Variants in LARP1B observed in about 807,000 individuals in gnomAD.
LARP1B encodes the protein La ribonucleoprotein 1B.
LARP1B carries 76 observed loss-of-function variants against 114.2 expected under a neutral mutation model. The ratio of observed to expected loss-of-function variants is 0.67; its 90% CI spans 0.55 to 0.81. The LOEUF is 0.81. Ranked by LOEUF, LARP1B falls within the 30% of genes least tolerant of loss-of-function variation. The pLI, the probability that LARP1B is intolerant of heterozygous loss-of-function variation, is 0.00. For missense variants in LARP1B, 1,014 were observed against 1,075.8 expected, an observed-to-expected ratio of 0.94 and a Z score of 0.80; for synonymous variants, 345 against 348.0, an observed-to-expected ratio of 0.99 and a Z score of 0.10.
rs1276091310 is a variant in LARP1B, at chr4:128,178,412, A to G, written c.1685-19A>G. On this transcript the variant is annotated intron_variant, in intron 13 of 19. Transcript: ENST00000326639. ...TTTTCCTAGCATCTAAATAATTTTA[A>G]GAGTTTTTTATTTTGCAGATTTGAC... The G allele has an allele frequency of 1.9e-6, 3 of 1,545,314 alleles. No homozygotes were observed. The highest frequency in any genetic ancestry group is 2.7e-6 in the Non-Finnish European group (3 of 1,126,908).
chr4:128,173,095 A>C (rs1009762424), intron 12 of LARP1B, among the ~76,000 whole-genome samples: 3 of 152,134 alleles, frequency 2.0e-5, no homozygotes, highest in Non-Finnish European at 4.4e-5. Context: ...TTTATTGAAT[A>C]CACAAAATAT....
chr4:128,114,810 G>A, intron 10 of LARP1B, 68 bp downstream of exon 10: 1 of 1,395,698 alleles, frequency 7.2e-7, no homozygotes. Flanking sequence ...TGCACTTTAT[G>A]TTTGTTAGGT....
chr4:128,150,371 C>T (rs935414225), intron 11 of LARP1B, among the ~76,000 whole-genome samples: 1 of 150,844 alleles, frequency 6.6e-6, no homozygotes, highest in Non-Finnish European at 1.5e-5. Context: ...TAGCGTACTG[C>T]AGCCTCAAAC....
rs1363253402 is a variant in LARP1B at position 128,108,066 on chromosome 4, C to T, written c.988+753C>T. ...CTCTTGGTGGAGGAAGTTGGGCCAACACTGCAGTGGAGATAACCACCTTTG... is the reference window on the plus strand; with the variant it reads ...CTCTTGGTGGAGGAAGTTGGGCCAATACTGCAGTGGAGATAACCACCTTTG... On this transcript the variant is annotated intron_variant, in intron 9 of 19. Transcript: ENST00000326639. 5 of 1,454,710 alleles carry T rather than the reference C, an allele frequency of 3.4e-6. No homozygotes were observed. In the East Asian group the frequency reaches 1.3e-4, roughly 37 times the overall value. The allele number at this position is 1,454,710 out of a possible 1,614,324, so 90.1% of individuals were successfully genotyped here. A position where few individuals can be genotyped will look rare whatever the true frequency, so the allele number is the denominator to read the frequency against.
At chr4:128,174,071 A>G (rs770354292) in intron 12 of LARP1B, among the ~76,000 whole-genome samples, 4 of 152,176 alleles carry the variant, frequency 2.6e-5, no homozygotes, top group South Asian at 4.1e-4. Flanking sequence ...AGATTCATCT[A>G]TGTCATTGCA....
At chr4:128,121,662 ACTGGGC>A (rs1288798788) in intron 10 of LARP1B, among the ~76,000 whole-genome samples, 158 bp from the exon 11 acceptor site, 1 of 152,212 alleles carries the variant, frequency 6.6e-6, no homozygotes, top group African/African-American at 2.4e-5. Context: ...TCTTAAATTT[ACTGGGC>A]CAAAATAATA....
chr4:128,211,109 TA>T lies in LARP1B; in HGVS notation c.*1063del, dbSNP rs1415420733. 3.3e-6 allele frequency: 3 copies of T among 900,660 alleles called. No homozygotes were observed. The highest frequency in any genetic ancestry group is 1.3e-6 in the Non-Finnish European group (1 of 753,016). 55.8% of individuals were successfully genotyped at this position (900,660 alleles called of 1,614,324 possible). On this transcript the variant is annotated 3_prime_UTR_variant, in exon 20 of 20. Coordinates refer to ENST00000326639, the MANE Select transcript of LARP1B (RefSeq NM_018078.4). ...TGGTAGTTTCAGTTTTTGTGAGATT[TA>T]AAAAAATAAAGCACTTATTCTGAAT...
intron 10 of LARP1B, among the ~76,000 whole-genome samples, chr4:128,120,507 G>T (rs1414460930): frequency 6.7e-6 from 1 of 148,556 alleles, no homozygotes; most frequent in Non-Finnish European, 1.5e-5. Context: ...GGAGTACAGT[G>T]GCACAATCTC....
chr4:128,139,598 A>T (rs1036103482), intron 11 of LARP1B, among the ~76,000 whole-genome samples: 2 of 152,020 alleles, frequency 1.3e-5, no homozygotes, highest in Non-Finnish European at 2.9e-5. Context: ...AAAAAAACAA[A>T]AAAACAGTAT....
chr4:128,072,404 A>C (rs1261489736), intron 1 of LARP1B, among the ~76,000 whole-genome samples: 1 of 152,032 alleles, frequency 6.6e-6, no homozygotes, highest in Non-Finnish European at 1.5e-5. Flanking sequence ...ATATGTTTTA[A>C]ATTTTTAAAT....
intron 4 of LARP1B, among the ~76,000 whole-genome samples, chr4:128,081,623 G>A (rs921225240): frequency 2.0e-5 from 3 of 152,066 alleles, no homozygotes; most frequent in Non-Finnish European, 4.4e-5. Flanking sequence ...CAACTATGGG[G>A]ATTGTACTTT....
intron 15 of LARP1B, among the ~76,000 whole-genome samples, chr4:128,184,812 C>A (rs1392299346): frequency 6.6e-6 from 1 of 152,130 alleles, no homozygotes; most frequent in Non-Finnish European, 1.5e-5. Context: ...TTTTTTACCT[C>A]CCACTTATTA....
chr4:128,121,935 G>A lies in LARP1B; in HGVS notation c.1271G>A (p.Arg424Gln), dbSNP rs749476341. 29 of 1,612,466 alleles carry A rather than the reference G, an allele frequency of 1.8e-5. No individual in the cohort carries two copies. Among genetic ancestry groups the A allele is most frequent in the East Asian group, 4.5e-5 (2 of 44,878 alleles). The change falls in exon 11 of 20, where the codon CGA becomes CAA. Residue 424 changes from arginine to glutamine, a missense_variant. Transcript: ENST00000326639. ...LFDEEIEQIG[R>Q]KNTFTDWSDN... ...GATGAAGAGATTGAACAAATAGGACGAAAAAACACATTTACTGATTGGTCT... is the reference window on the plus strand; with the variant it reads ...GATGAAGAGATTGAACAAATAGGACAAAAAAACACATTTACTGATTGGTCT...
chr4:128,083,523 G>C (rs1458035342), intron 5 of LARP1B, among the ~76,000 whole-genome samples: 1 of 150,370 alleles, frequency 6.7e-6, no homozygotes, highest in Non-Finnish European at 1.5e-5. Flanking sequence ...AGGGGCGGCC[G>C]GGCAGAGGCG....
At chr4:128,120,803 ATTTTTTTTT>A (rs56253884) in intron 10 of LARP1B, among the ~76,000 whole-genome samples, 1 of 128,958 alleles carries the variant, frequency 7.8e-6, no homozygotes, top group African/African-American at 3.1e-5. Context: ...GGGGTAGACA[ATTTTTTTTT>A]TTTTTTTTTT....
intron 1 of LARP1B, among the ~76,000 whole-genome samples, chr4:128,066,165 C>CTTTTTT (rs59927866): frequency 4.6e-3 from 458 of 99,156 alleles, no homozygotes; most frequent in Non-Finnish European, 4.9e-3. Context: ...TTTCTTTCTT[C>CTTTTTT]TTTTTTTTTT....
intron 14 of LARP1B, among the ~76,000 whole-genome samples, chr4:128,178,903 G>A (rs1434556061): frequency 6.6e-6 from 1 of 151,980 alleles, no homozygotes; most frequent in Admixed American, 6.6e-5. Flanking sequence ...GACGAGCCTG[G>A]GCAATGCAGT....
intron 1 of LARP1B, among the ~76,000 whole-genome samples, chr4:128,070,670 A>G (rs1030726513): frequency 4.6e-5 from 7 of 152,038 alleles, no homozygotes; most frequent in Non-Finnish European, 4.4e-5. Flanking sequence ...AAAAAGAAAA[A>G]AGGCTTAGGA....
chr4:128,076,007 C>T (rs964363967), intron 3 of LARP1B, among the ~76,000 whole-genome samples: 6 of 151,732 alleles, frequency 4.0e-5, no homozygotes, highest in Non-Finnish European at 8.8e-5. Context: ...ATCACATTTC[C>T]CTCATCTGGT....
Sources: gnomAD v4.1 joint callset for allele counts (sites outside exome capture counted in the v4.1 genomes callset) on GRCh38, gnomAD v4.1.1 for gene constraint, MANE v1.5 for transcripts, NCBI Gene and HGNC (gene_info 2026-07-23, HGNC 2026-07-21) for gene names.